LRBA: variants seen among roughly 807,000 people sequenced by gnomAD.
The protein encoded by LRBA is lipopolysaccharide-responsive and beige-like anchor protein.
A neutral mutation model predicts 330.0 loss-of-function variants in LRBA; 176 were observed. That is an observed-to-expected ratio of 0.53 (90% CI 0.47 to 0.60). The LOEUF is 0.60. Ranked by LOEUF, LRBA falls within the 20% of genes least tolerant of loss-of-function variation. The pLI is 0.00. For synonymous variants in LRBA, 1,230 were observed against 1,193.0 expected (o/e 1.03, Z -0.64); for missense variants, 3,259 against 3,444.8 (o/e 0.95, Z 1.35).
At chr4:150,398,289 C>T (rs1214762374) in intron 47 of LRBA, among the ~76,000 whole-genome samples, 3 of 152,128 alleles carry the variant, frequency 2.0e-5, no homozygotes, top group Non-Finnish European at 2.9e-5. Flanking sequence ...CAGTAAAACA[C>T]TTTCAAAGAA....
chr4:150,900,164 G>A lies in LRBA; in HGVS notation c.1809C>T (p.Asn603=), dbSNP rs1445118801. The A allele has an allele frequency of 2.5e-6, 4 of 1,612,988 alleles. No homozygotes were observed. The highest frequency in any genetic ancestry group is 3.4e-6 in the Non-Finnish European group (4 of 1,179,074). The change falls in exon 14 of 57, where the codon AAC becomes AAT. Residue 603 remains asparagine (N), a synonymous_variant. Transcript: ENST00000651943. ...YLSTEFIGTV[N]IYNTIRRVGT... ...CAACTCTCCGAATGGTGTTATATAT[G>A]TTGACTGTACCAATGAATTCCGTGG... is the stretch of plus-strand genomic sequence containing the variant.
In LRBA at chr4:150,963,627, C is replaced by T. The variant is rs536481981; in HGVS notation, c.217-34562G>A. Among the ~76,000 whole-genome samples, 16 of 149,602 alleles carry T rather than the reference C, an allele frequency of 1.1e-4. 2 individuals carry two copies. Among genetic ancestry groups the T allele is most frequent in the African/African-American group, 3.8e-4 (15 of 38,986 alleles). On this transcript the variant is annotated intron_variant, in intron 2 of 56. Transcript: ENST00000651943. ...GCCACCCCATATAGGAAGTGAGGAG[C>T]GTCTCTGCCTGGCCGCCCATCGTCT...
chr4:150,811,549 C>T (rs567233850), intron 31 of LRBA, among the ~76,000 whole-genome samples: 1 of 152,240 alleles, frequency 6.6e-6, no homozygotes, highest in African/African-American at 2.4e-5. Flanking sequence ...ATTGCCCAGG[C>T]TGGAGTGTAC....
intron 37 of LRBA, among the ~76,000 whole-genome samples, chr4:150,641,807 A>G (rs1389283807): frequency 2.0e-5 from 3 of 152,064 alleles, no homozygotes; most frequent in African/African-American, 7.2e-5. Flanking sequence ...AAGGGTTATG[A>G]GGTCAAAATG....
chr4:150,623,306 A>T (rs1169818077), intron 37 of LRBA, among the ~76,000 whole-genome samples: 2 of 152,228 alleles, frequency 1.3e-5, no homozygotes, highest in Non-Finnish European at 1.5e-5. Flanking sequence ...CCTAATAGAA[A>T]TGCTCACACA....
At chr4:151,002,155 A>G (rs1743423432) in intron 2 of LRBA, among the ~76,000 whole-genome samples, 2 of 139,790 alleles carry the variant, frequency 1.4e-5, no homozygotes, top group Non-Finnish European at 3.1e-5. Context: ...ACTACACCAG[A>G]GGAAAGATAT....
At chr4:150,785,841 G>C (rs1364505159) in intron 34 of LRBA, among the ~76,000 whole-genome samples, 1 of 152,118 alleles carries the variant, frequency 6.6e-6, no homozygotes, top group Non-Finnish European at 1.5e-5. Context: ...GACAAAAGGG[G>C]CACTTAAAAA....
rs747013791 is a variant in LRBA, at chr4:150,872,762, G to A, written c.2166-7C>T. ...CAGAAGTTTGTAGATAACACTGAAT[G>A]AATAAAAATTTAAAACAAACTATTT... On this transcript the variant is annotated splice_region_variant and splice_polypyrimidine_tract_variant and intron_variant, in intron 17 of 56. Transcript: ENST00000651943. 4 of 1,492,472 alleles carry A rather than the reference G, an allele frequency of 2.7e-6. No homozygotes were observed. The highest frequency in any genetic ancestry group is 3.7e-5 in the Admixed American group (2 of 54,794). 92.5% of individuals were successfully genotyped at this position (1,492,472 alleles called of 1,614,324 possible).
intron 34 of LRBA, among the ~76,000 whole-genome samples, chr4:150,786,078 A>G (rs979500152): frequency 6.6e-6 from 1 of 152,192 alleles, no homozygotes; most frequent in Non-Finnish European, 1.5e-5. Flanking sequence ...CCACCAGGTT[A>G]GGAGGATGAG....
chr4:150,925,388 T>G (rs1733777538), intron 4 of LRBA, among the ~76,000 whole-genome samples: 1 of 152,152 alleles, frequency 6.6e-6, no homozygotes, highest in South Asian at 2.1e-4. Flanking sequence ...CCTCATGTAT[T>G]TTATGGATCT....
intron 36 of LRBA, among the ~76,000 whole-genome samples, chr4:150,699,306 A>G (rs1300032832): frequency 6.6e-6 from 1 of 152,116 alleles, no homozygotes; most frequent in Non-Finnish European, 1.5e-5. Context: ...AGGAGATGCA[A>G]TATCTAGTAT....
intron 40 of LRBA, among the ~76,000 whole-genome samples, chr4:150,537,773 G>A (rs1424148737): frequency 6.6e-6 from 1 of 152,072 alleles, no homozygotes; most frequent in Admixed American, 6.5e-5. Context: ...GAACAACATG[G>A]TGAGACCACC....
rs1379003595 is a variant in LRBA at position 150,863,092 on chromosome 4, T to C, written c.2766+4579A>G. Among the ~76,000 whole-genome samples, 3 of 151,248 alleles carry C rather than the reference T, an allele frequency of 2.0e-5. No homozygotes were observed. The East Asian group carries it at 5.9e-4, about 30-fold the overall frequency. On this transcript the variant is annotated intron_variant, in intron 22 of 56. Transcript: ENST00000651943. ...GCGGGGGGCCACTTGAGTCCAGGAG[T>C]TGAAGACCAGCCTGAGCAACACAGT...
chr4:150,459,659 A>G (rs887173783), intron 44 of LRBA, among the ~76,000 whole-genome samples: 2 of 151,910 alleles, frequency 1.3e-5, no homozygotes, highest in Admixed American at 6.6e-5. Context: ...CAATCCTACA[A>G]ATACGTTGGG....
chr4:150,752,541 G>A (rs1453822969), intron 35 of LRBA, among the ~76,000 whole-genome samples: 1 of 152,010 alleles, frequency 6.6e-6, no homozygotes, highest in African/African-American at 2.4e-5. Flanking sequence ...ATCTTTCTCG[G>A]TTGAAATTTA....
intron 2 of LRBA, among the ~76,000 whole-genome samples, chr4:150,982,664 TACC>T (rs1488912305): frequency 2.0e-5 from 3 of 151,678 alleles, no homozygotes; most frequent in Non-Finnish European, 4.4e-5. Flanking sequence ...TTGCATTTTT[TACC>T]ACCACATTTC....
chr4:150,848,999 C>A lies in LRBA; in HGVS notation c.4159-1G>T, dbSNP rs1750245794. 6.4e-7 allele frequency: 1 copy of A among 1,574,288 alleles called. No homozygotes were observed. The highest frequency in any genetic ancestry group is 1.2e-5 in the South Asian group (1 of 82,644). ...TAGGTTCAATATTTTCCAGTTCATG[C>A]TGTAAAGAATAAAGTTTGACATTTA... On this transcript the variant is annotated splice_acceptor_variant, in intron 25 of 56. Transcript: ENST00000651943. LOFTEE classifies it high-confidence loss of function.
chr4:150,976,175 GAAAA>G (rs56914557), intron 2 of LRBA, among the ~76,000 whole-genome samples: 4 of 88,728 alleles, frequency 4.5e-5, no homozygotes, highest in Non-Finnish European at 6.9e-5. Context: ...ACTCCGTCTT[GAAAA>G]AAAAAAAAAA....
intron 47 of LRBA, among the ~76,000 whole-genome samples, chr4:150,358,395 G>C (rs949483477): frequency 8.6e-5 from 13 of 151,986 alleles, no homozygotes; most frequent in Non-Finnish European, 1.8e-4. Context: ...AGGTAGACTA[G>C]CCTGCCTTAA....
Sources: gnomAD v4.1 joint callset for allele counts (sites outside exome capture counted in the v4.1 genomes callset) on GRCh38, gnomAD v4.1.1 for gene constraint, MANE v1.5 for transcripts, NCBI Gene and HGNC (gene_info 2026-07-23, HGNC 2026-07-21) for gene names.